The following ADAM32 variants were observed in gnomAD, a reference collection of about 807,000 sequenced individuals.
ADAM32 encodes the protein disintegrin and metalloproteinase domain-containing protein 32.
ADAM32 carries 89 observed loss-of-function variants against 114.9 expected under a neutral mutation model. That is an observed-to-expected ratio of 0.77 (90% CI 0.65 to 0.92). The LOEUF is 0.92. Among genes scored for constraint, ADAM32 ranks in the 40% least tolerant of loss-of-function variants. ADAM32 has a pLI of 0.00. For missense variants in ADAM32, 870 were observed against 932.8 expected (o/e 0.93, Z 0.88); for synonymous variants, 285 against 307.5 (o/e 0.93, Z 0.77).
chr8:39,265,816 T>C (rs1189943582), intron 19 of ADAM32, among the ~76,000 whole-genome samples: 1 of 152,202 alleles, frequency 6.6e-6, no homozygotes, highest in Non-Finnish European at 1.5e-5. Flanking sequence ...TCCCTTTCCA[T>C]GTTTTGCTTT....
At chr8:39,180,894 T>C (rs2129446895) in intron 10 of ADAM32, among the ~76,000 whole-genome samples, 1 of 152,324 alleles carries the variant, frequency 6.6e-6, no homozygotes, top group East Asian at 1.9e-4. Flanking sequence ...AGTGCACCAA[T>C]CGACACTCTG....
intron 6 of ADAM32, among the ~76,000 whole-genome samples, chr8:39,160,250 C>T (rs1804412920): frequency 6.6e-6 from 1 of 152,160 alleles, no homozygotes; most frequent in Non-Finnish European, 1.5e-5. Context: ...GCAAAGGACA[C>T]AAATACAGAA....
chr8:39,238,598 T>A (rs4128223), intron 16 of ADAM32, among the ~76,000 whole-genome samples: 55,136 of 151,986 alleles, frequency 0.36, 12,562 homozygotes, highest in African/African-American at 0.65. Context: ...GAACTGTCAG[T>A]AAAAGAATTC....
intron 12 of ADAM32, 109 bp from the exon 13 acceptor site, chr8:39,221,501 T>A: frequency 1.3e-6 from 1 of 796,202 alleles, no homozygotes; most frequent in Non-Finnish European, 2.0e-6. Flanking sequence ...TCAGCAGCAT[T>A]CATATCCTTT....
intron 10 of ADAM32, among the ~76,000 whole-genome samples, chr8:39,184,777 C>T (rs1257230337): frequency 6.6e-6 from 1 of 152,150 alleles, no homozygotes; most frequent in Non-Finnish European, 1.5e-5. Context: ...TGCCACCAGA[C>T]CTAGAATGTC....
At chr8:39,112,007 C>A (rs1486239147) in intron 1 of ADAM32, among the ~76,000 whole-genome samples, 1 of 152,004 alleles carries the variant, frequency 6.6e-6, no homozygotes, top group African/African-American at 2.4e-5. Flanking sequence ...AATCCTGGAA[C>A]TTTAAAAATA....
At chr8:39,194,081 G>A (rs1806789199) in intron 11 of ADAM32, among the ~76,000 whole-genome samples, 1 of 152,132 alleles carries the variant, frequency 6.6e-6, no homozygotes, top group Non-Finnish European at 1.5e-5. Context: ...AGTGTTTGTA[G>A]CAGCGATGGT....
At chr8:39,111,734 A>T (rs1308935190) in intron 1 of ADAM32, among the ~76,000 whole-genome samples, 2 of 151,570 alleles carry the variant, frequency 1.3e-5, no homozygotes, top group African/African-American at 4.8e-5. Context: ...AAAAAAAAAA[A>T]AAAAAAAAGG....
intron 3 of ADAM32, among the ~76,000 whole-genome samples, chr8:39,140,251 TG>T (rs1564469696): frequency 6.6e-6 from 1 of 152,092 alleles, no homozygotes. Context: ...TTGTCTTGTG[TG>T]GGTTTTCAAA....
At chr8:39,136,768 G>A in intron 3 of ADAM32, 50 bp downstream of exon 3, 1 of 1,227,664 alleles carries the variant, frequency 8.1e-7, no homozygotes, top group Non-Finnish European at 1.1e-6. Context: ...CTATGAAGCT[G>A]TTTACTTGCA....
At chr8:39,113,877 G>A (rs1840266458) in intron 1 of ADAM32, among the ~76,000 whole-genome samples, 1 of 152,170 alleles carries the variant, frequency 6.6e-6, no homozygotes, top group Admixed American at 6.5e-5. Context: ...CTTGTCAGAT[G>A]AAGGCATTTG....
chr8:39,175,557 T>G (rs1359497875), intron 10 of ADAM32, among the ~76,000 whole-genome samples: 1 of 152,222 alleles, frequency 6.6e-6, no homozygotes, highest in East Asian at 1.9e-4. Context: ...AGCTTTTTGA[T>G]GTACAGCTGG....
intron 10 of ADAM32, among the ~76,000 whole-genome samples, chr8:39,178,322 G>C (rs1389793377): frequency 6.6e-6 from 1 of 152,104 alleles, no homozygotes; most frequent in Non-Finnish European, 1.5e-5. Flanking sequence ...TGATACTTGT[G>C]ATTGCATTGT....
intron 9 of ADAM32, chr8:39,167,944 G>A (rs1410286011): frequency 2.6e-5 from 4 of 152,042 alleles, no homozygotes; most frequent in Admixed American, 6.6e-5. Flanking sequence ...TTCTGGAGGA[G>A]TCTTTAGCAT....
intron 11 of ADAM32, among the ~76,000 whole-genome samples, chr8:39,200,629 T>C (rs1807335070): frequency 6.6e-6 from 1 of 152,222 alleles, no homozygotes; most frequent in Admixed American, 6.5e-5. Context: ...TTAGTTTAAT[T>C]AGATCCCATT....
chr8:39,190,656 A>AT (rs1331236204), intron 11 of ADAM32, among the ~76,000 whole-genome samples: 2 of 152,092 alleles, frequency 1.3e-5, no homozygotes, highest in African/African-American at 4.8e-5. Flanking sequence ...GATGCTGAAT[A>AT]TTTTTTCGTG....
chr8:39,158,115 C>G (rs1237068712), intron 6 of ADAM32: 1 of 221,788 alleles, frequency 4.5e-6, no homozygotes, highest in African/African-American at 2.3e-5. Context: ...TCACAGGTAC[C>G]TGGTCCTCTA....
At chr8:39,119,951 ATGTACT>A in intron 2 of ADAM32, among the ~76,000 whole-genome samples, 2 of 152,282 alleles carry the variant, frequency 1.3e-5, no homozygotes, top group Middle Eastern at 6.8e-3. Context: ...AATAGGACTG[ATGTACT>A]TATAAGAAGA....
At chr8:39,247,437 A>G (rs1811002243) in intron 17 of ADAM32, among the ~76,000 whole-genome samples, 2 of 151,766 alleles carry the variant, frequency 1.3e-5, no homozygotes, top group Non-Finnish European at 2.9e-5. Context: ...TTTAATTTGC[A>G]TTTTACTGAT....
Sources: allele counts gnomAD v4.1 joint callset (sites outside exome capture counted in the v4.1 genomes callset), GRCh38; gene constraint gnomAD v4.1.1; transcripts MANE v1.5; gene names NCBI Gene and HGNC (gene_info 2026-07-23, HGNC 2026-07-21).